COL4A5: variants seen among roughly 807,000 people sequenced by gnomAD.
COL4A5 encodes the protein collagen type IV alpha 5 chain.
Under a neutral mutation model 130.2 loss-of-function variants are expected in COL4A5, and 26 were observed. The ratio of observed to expected loss-of-function variants is 0.20; its 90% CI spans 0.15 to 0.28. COL4A5 has a LOEUF of 0.28. COL4A5 is among the 10% of genes least tolerant of loss of function. The pLI is 1.00. For synonymous variants in COL4A5, 496 were observed against 439.6 expected (o/e 1.13, Z -1.60); for missense variants, 1,131 against 1,344.3 (o/e 0.84, Z 2.48).
chrX:108,579,605 G>A (rs1192403236), intron 13 of COL4A5, among the ~76,000 whole-genome samples: 1 of 111,865 alleles, frequency 8.9e-6, no homozygotes, highest in African/African-American at 3.2e-5. Context: ...CTGATACCCT[G>A]CTTTTGCTAG....
intron 8 of COL4A5, among the ~76,000 whole-genome samples, chrX:108,572,151 G>T (rs949357032): frequency 9.0e-6 from 1 of 111,358 alleles, no homozygotes; most frequent in Non-Finnish European, 1.9e-5. Flanking sequence ...CCTGGCCTCT[G>T]TGACACTATC....
At chrX:108,644,617 G>A (rs759086162) in intron 36 of COL4A5, among the ~76,000 whole-genome samples, 5 of 111,552 alleles carry the variant, frequency 4.5e-5, no homozygotes, top group African/African-American at 6.5e-5. Flanking sequence ...ACTTCCTCTC[G>A]GGCCGGGCAT....
intron 21 of COL4A5, among the ~76,000 whole-genome samples, chrX:108,592,207 T>A (rs1024654595): frequency 1.8e-5 from 2 of 111,756 alleles, no homozygotes; most frequent in Non-Finnish European, 3.8e-5. Context: ...TTTACTTACC[T>A]ACTTGCACCT....
chrX:108,612,653 A>G (rs1397140464), intron 29 of COL4A5, among the ~76,000 whole-genome samples: 1 of 111,622 alleles, frequency 9.0e-6, no homozygotes, highest in Non-Finnish European at 1.9e-5. Context: ...GAAATCAGAT[A>G]CCTAAATAAA....
intron 31 of COL4A5, 98 bp downstream of exon 31, chrX:108,620,524 T>C: frequency 6.9e-6 from 5 of 723,313 alleles, no homozygotes; most frequent in Non-Finnish European, 1.1e-5. Flanking sequence ...TAGATTGACG[T>C]GATCCCTTAA....
chrX:108,617,868 A>G (rs2066960650), intron 30 of COL4A5, among the ~76,000 whole-genome samples: 1 of 111,904 alleles, frequency 8.9e-6, no homozygotes, highest in Non-Finnish European at 1.9e-5. Context: ...GTGAATCAAA[A>G]CAAACAAAAC....
chrX:108,693,222 A>G (rs2068664755), intron 50 of COL4A5, among the ~76,000 whole-genome samples: 1 of 111,645 alleles, frequency 9.0e-6, no homozygotes, highest in Non-Finnish European at 1.9e-5. Flanking sequence ...AGATATAATA[A>G]AAATGTTATG....
intron 2 of COL4A5, 115 bp from the exon 3 acceptor site, chrX:108,558,949 A>G: frequency 1.6e-6 from 1 of 622,258 alleles, no homozygotes; most frequent in Non-Finnish European, 2.7e-6. Context: ...GTGAATTTAC[A>G]TAATTAAATT....
intron 29 of COL4A5, among the ~76,000 whole-genome samples, chrX:108,608,855 G>T (rs202046840): frequency 9.0e-6 from 1 of 111,264 alleles, no homozygotes; most frequent in Non-Finnish European, 1.9e-5. Context: ...TTCATCATAA[G>T]TTATTTCGCC....
In COL4A5 at chrX:108,681,747, T is replaced by A; in HGVS notation, c.4088-13T>A. ...TTCTCTTTCCCTTCAAATTTGTGTG[T>A]TTTGTCTCATAGGTCCTCCTGGATT... On this transcript the variant is annotated splice_polypyrimidine_tract_variant and intron_variant, in intron 46 of 52. Transcript: ENST00000328300. The A allele has an allele frequency of 8.3e-7, 1 of 1,208,577 alleles. No individual in the cohort carries two copies. The highest frequency in any genetic ancestry group is 1.1e-6 in the Non-Finnish European group (1 of 893,669).
intron 31 of COL4A5, among the ~76,000 whole-genome samples, chrX:108,621,157 C>CTT (rs1347177508): frequency 4.0e-5 from 3 of 74,719 alleles, no homozygotes; most frequent in African/African-American, 1.5e-4. Flanking sequence ...TTCCTTCCTT[C>CTT]TTTTTTTTTT....
chrX:108,464,585 A>C (rs1452730170), intron 1 of COL4A5, among the ~76,000 whole-genome samples: 2 of 112,599 alleles, frequency 1.8e-5, no homozygotes, highest in Non-Finnish European at 1.9e-5. Flanking sequence ...AGATAAATGC[A>C]GTATATAGAT....
chrX:108,664,555 A>T (rs1276555326), intron 37 of COL4A5, among the ~76,000 whole-genome samples: 1 of 112,272 alleles, frequency 8.9e-6, no homozygotes, highest in African/African-American at 3.2e-5. Context: ...AAAGAAAAAA[A>T]TTGATAGATT....
At chrX:108,619,654 A>G (rs1417341995) in intron 30 of COL4A5, among the ~76,000 whole-genome samples, 2 of 112,060 alleles carry the variant, frequency 1.8e-5, no homozygotes, top group Admixed American at 1.9e-4. Context: ...ATGTATTATT[A>G]AAACAATGTG....
rs753841124 is a variant in COL4A5 at position 108,560,594 on chromosome X, A to G, written c.231+1441A>G. ...TAATGCCAGCTGGCAATTCTCCTGA[A>G]TAACCGGAGTCTATCTAGTTTTGGA... On this transcript the variant is annotated intron_variant, in intron 3 of 52. Coordinates refer to ENST00000328300, the MANE Select transcript of COL4A5 (RefSeq NM_033380.3). Among the ~76,000 whole-genome samples, 3 of 113,147 alleles carry G rather than the reference A, an allele frequency of 2.7e-5. No homozygotes were observed. In the East Asian group the frequency reaches 8.3e-4, roughly 31 times the overall value.
At chrX:108,581,118 T>G in intron 16 of COL4A5, 91 bp downstream of exon 16, 1 of 741,592 alleles carries the variant, frequency 1.3e-6, no homozygotes, top group Non-Finnish European at 2.1e-6. Context: ...ATGACAAAAA[T>G]TGTGGGGTCT....
chrX:108,657,856 T>C (rs1368516023), intron 37 of COL4A5, among the ~76,000 whole-genome samples: 1 of 111,501 alleles, frequency 9.0e-6, no homozygotes, highest in Admixed American at 9.6e-5. Context: ...ATTTCACTTT[T>C]TAAAATTCTG....
At chrX:108,646,718 A>G (rs1219545748) in intron 36 of COL4A5, among the ~76,000 whole-genome samples, 21 of 111,926 alleles carry the variant, frequency 1.9e-4, no homozygotes, top group Non-Finnish European at 3.8e-4. Context: ...TTTTACGTCT[A>G]ACATTTAAGT....
chrX:108,639,023 A>AT (rs908265632), intron 36 of COL4A5, among the ~76,000 whole-genome samples: 1 of 109,967 alleles, frequency 9.1e-6, no homozygotes, highest in Non-Finnish European at 1.9e-5. Flanking sequence ...CTCCAATGGC[A>AT]TTTTTTTTTC....
Sources: gnomAD v4.1 joint callset for allele counts (sites outside exome capture counted in the v4.1 genomes callset) on GRCh38, gnomAD v4.1.1 for gene constraint, MANE v1.5 for transcripts, NCBI Gene and HGNC (gene_info 2026-07-23, HGNC 2026-07-21) for gene names.